ATL1: variants seen among roughly 807,000 people sequenced by gnomAD.
The protein encoded by ATL1 is atlastin-1.
A neutral mutation model predicts 75.5 loss-of-function variants in ATL1; 31 were observed. The ratio of observed to expected loss-of-function variants is 0.41; its 90% CI spans 0.31 to 0.55. The LOEUF (loss-of-function observed/expected upper bound fraction) is 0.55, where lower values mean the gene tolerates loss of function less well. ATL1 is among the 20% of genes least tolerant of loss of function. The probability of loss-of-function intolerance (pLI) is 0.27; values close to 1 mark genes in which losing one functional copy is unlikely to be tolerated. For missense variants in ATL1, 405 were observed against 662.6 expected (o/e 0.61, Z 4.27); for synonymous variants, 226 against 233.3 (o/e 0.97, Z 0.28).
At chr14:50,581,372 AG>A (rs763548338) in intron 1 of ATL1, among the ~76,000 whole-genome samples, 1 of 152,092 alleles carries the variant, frequency 6.6e-6, no homozygotes, top group East Asian at 1.9e-4. Flanking sequence ...TTATATGAAA[AG>A]GGTCAAAATA....
intron 5 of ATL1, among the ~76,000 whole-genome samples, chr14:50,594,998 CAAA>C (rs371065528): frequency 1.7e-4 from 15 of 86,328 alleles, no homozygotes; most frequent in African/African-American, 3.7e-4. Flanking sequence ...GACCCTGTCT[CAAA>C]AAAAAAAAAA....
chr14:50,566,280 G>A (rs543869466), intron 1 of ATL1, among the ~76,000 whole-genome samples: 10 of 152,254 alleles, frequency 6.6e-5, no homozygotes, highest in African/African-American at 2.4e-4. Flanking sequence ...TTACAGGCGT[G>A]AGCCACTGCA....
At chr14:50,612,382 C>T (rs1201286556) in intron 6 of ATL1, among the ~76,000 whole-genome samples, 1 of 151,984 alleles carries the variant, frequency 6.6e-6, no homozygotes, top group African/African-American at 2.4e-5. Flanking sequence ...ACTTAATGTG[C>T]AGTTTTCTGT....
chr14:50,536,481 T>C (rs2140140120), intron 1 of ATL1, among the ~76,000 whole-genome samples: 1 of 151,000 alleles, frequency 6.6e-6, no homozygotes, highest in Admixed American at 6.6e-5. Context: ...AGTGAGATGT[T>C]GCTGAAAAGT....
At chr14:50,560,581 C>G (rs1026918961) in intron 1 of ATL1, 1 of 487,184 alleles carries the variant, frequency 2.1e-6, no homozygotes, top group Non-Finnish European at 3.8e-6. Flanking sequence ...AGCATTTGGA[C>G]AGCACCCACC....
chr14:50,624,729 T>C (rs1423271515), intron 11 of ATL1, among the ~76,000 whole-genome samples: 3 of 152,166 alleles, frequency 2.0e-5, no homozygotes, highest in East Asian at 1.9e-4. Context: ...ACCAATTAGT[T>C]AGCCAGGCTG....
At chr14:50,615,695 A>G (rs1188481170) in intron 8 of ATL1, among the ~76,000 whole-genome samples, 1 of 152,220 alleles carries the variant, frequency 6.6e-6, no homozygotes, top group African/African-American at 2.4e-5. Flanking sequence ...GGATGCAGAG[A>G]TCTCAGTATT....
intron 11 of ATL1, 43 bp downstream of exon 11, chr14:50,623,291 T>A: frequency 6.8e-7 from 1 of 1,474,464 alleles, no homozygotes; most frequent in Non-Finnish European, 9.5e-7. Context: ...ACAAAACCAG[T>A]ATCCTTCATG....
chr14:50,589,002 G>GC (rs1555363803), intron 2 of ATL1, among the ~76,000 whole-genome samples: 1 of 152,026 alleles, frequency 6.6e-6, no homozygotes, highest in Non-Finnish European at 1.5e-5. Context: ...ATTGTGCTAG[G>GC]CACTATGGTG....
chr14:50,611,428 T>C (rs1204965304), intron 6 of ATL1, among the ~76,000 whole-genome samples: 1 of 152,142 alleles, frequency 6.6e-6, no homozygotes, highest in African/African-American at 2.4e-5. Context: ...TTTATTACAT[T>C]TTAAACATAT....
intron 11 of ATL1, among the ~76,000 whole-genome samples, chr14:50,626,384 T>C (rs1373380373): frequency 6.6e-6 from 1 of 152,222 alleles, no homozygotes. Flanking sequence ...ATACCAACCC[T>C]TCTGGATGAC....
chr14:50,564,647 CAAAAAAAAAAAAAAA>C (rs60054322), intron 1 of ATL1, among the ~76,000 whole-genome samples: 5 of 40,004 alleles, frequency 1.2e-4, no homozygotes, highest in Non-Finnish European at 2.1e-4. Context: ...GATTCCGTCT[CAAAAAAAAAAAAAAA>C]AAAAAAAAAA....
chr14:50,596,254 A>ATCACTTGT (rs1358020282), intron 6 of ATL1, among the ~76,000 whole-genome samples: 1 of 152,046 alleles, frequency 6.6e-6, no homozygotes, highest in Non-Finnish European at 1.5e-5. Context: ...GGATCACTTG[A>ATCACTTGT]CCCCAAGAGT....
chr14:50,583,330 G>C (rs927093106), intron 1 of ATL1, among the ~76,000 whole-genome samples: 1 of 152,062 alleles, frequency 6.6e-6, no homozygotes, highest in Non-Finnish European at 1.5e-5. Context: ...AAACCCAAAA[G>C]TATCTACATA....
intron 6 of ATL1, among the ~76,000 whole-genome samples, chr14:50,605,879 C>G (rs75302316): frequency 0.035 from 5,313 of 152,058 alleles, 96 homozygotes; most frequent in Middle Eastern, 0.058. Flanking sequence ...TAAAAGAATT[C>G]CTTAACACTC....
chr14:50,571,519 A>T (rs1025403691), intron 1 of ATL1, among the ~76,000 whole-genome samples: 1 of 152,218 alleles, frequency 6.6e-6, no homozygotes, highest in African/African-American at 2.4e-5. Flanking sequence ...CATAATTATT[A>T]GTATTTACAA....
intron 12 of ATL1, among the ~76,000 whole-genome samples, chr14:50,628,743 G>A (rs1426059434): frequency 6.6e-6 from 1 of 152,096 alleles, no homozygotes; most frequent in Non-Finnish European, 1.5e-5. Context: ...TAGGGGGGCA[G>A]TCTTGCTCTG....
At chr14:50,561,596 CTGAT>C (rs2038846336) in intron 1 of ATL1, among the ~76,000 whole-genome samples, 1 of 152,118 alleles carries the variant, frequency 6.6e-6, no homozygotes, top group African/African-American at 2.4e-5. Context: ...CTCCTTGCCT[CTGAT>C]TGTTCTAATG....
chr14:50,609,345 T>C (rs1178283608), intron 6 of ATL1, among the ~76,000 whole-genome samples: 5 of 151,838 alleles, frequency 3.3e-5, no homozygotes, highest in Non-Finnish European at 2.9e-5. Flanking sequence ...AATGAATGAA[T>C]AGATAAACTA....
Sources: gnomAD v4.1 joint callset for allele counts (sites outside exome capture counted in the v4.1 genomes callset) on GRCh38, gnomAD v4.1.1 for gene constraint, MANE v1.5 for transcripts, NCBI Gene and HGNC (gene_info 2026-07-23, HGNC 2026-07-21) for gene names.